Variants in ACAD9 observed in about 807,000 individuals in gnomAD.
ACAD9 encodes the protein acyl-CoA dehydrogenase family member 9, also known as complex I assembly factor ACAD9, mitochondrial.
Under a neutral mutation model 70.2 loss-of-function variants are expected in ACAD9, and 53 were observed. That is an observed-to-expected ratio of 0.75 (90% CI 0.61 to 0.95). The LOEUF is 0.95. Ranked by LOEUF, ACAD9 falls within the 40% of genes least tolerant of loss-of-function variation. The pLI is 0.00. For missense variants in ACAD9, 777 were observed against 802.8 expected (o/e 0.97, Z 0.39); for synonymous variants, 313 against 312.1 (o/e 1.00, Z -0.03).
At chr3:128,882,897 G>C (rs1400753569) in intron 1 of ACAD9, among the ~76,000 whole-genome samples, 1 of 152,108 alleles carries the variant, frequency 6.6e-6, no homozygotes, top group Non-Finnish European at 1.5e-5. Context: ...GTTTTCTGTG[G>C]TTGTACCTGA....
At chr3:128,909,467 T>C (rs928864946) in intron 15 of ACAD9, 46 bp downstream of exon 15, 8 of 1,587,202 alleles carry the variant, frequency 5.0e-6, no homozygotes, top group Non-Finnish European at 6.0e-6. Context: ...TCCTCCAATT[T>C]GGCCAGCATT....
At chr3:128,901,699 C>T (rs539976166) in intron 8 of ACAD9, among the ~76,000 whole-genome samples, 1 of 152,316 alleles carries the variant, frequency 6.6e-6, no homozygotes, top group Admixed American at 6.5e-5. Flanking sequence ...CTACTCTTTT[C>T]TTTTTGGACT....
Position 128,912,638 on chromosome 3 carries a change from G to A in ACAD9, c.*31G>A, listed in dbSNP as rs9830739. On this transcript the variant is annotated 3_prime_UTR_variant, in exon 18 of 18. Coordinates refer to ENST00000308982, the MANE Select transcript of ACAD9 (RefSeq NM_014049.5). Reference sequence around the variant, plus strand: ...GGGACAGTGTCCCCTGCTACCGCCCGCCCCTACCCATGGCCCGTTGCTGGA... The same window carrying A: ...GGGACAGTGTCCCCTGCTACCGCCCACCCCTACCCATGGCCCGTTGCTGGA... 0.026 allele frequency: 40,491 copies of A among 1,572,694 alleles called. 3,126 individuals are homozygous for A. In the African/African-American group the frequency reaches 0.27, roughly 11 times the overall value.
chr3:128,906,625 A>G (rs1935900235), intron 12 of ACAD9, among the ~76,000 whole-genome samples: 1 of 152,208 alleles, frequency 6.6e-6, no homozygotes, highest in Non-Finnish European at 1.5e-5. Context: ...CCCTAGGGGC[A>G]GAAAGAAAGG....
At chr3:128,890,859 T>G (rs184937941) in intron 2 of ACAD9, among the ~76,000 whole-genome samples, 2,334 of 151,746 alleles carry the variant, frequency 0.015, 28 homozygotes, top group Middle Eastern at 0.031. Flanking sequence ...TTTTTTTTTT[T>G]GAGACGAAGT....
At chr3:128,912,371 T>A (rs981316474) in intron 17 of ACAD9, 136 bp from the exon 18 acceptor site, 1 of 723,714 alleles carries the variant, frequency 1.4e-6, no homozygotes, top group African/African-American at 1.7e-5. Flanking sequence ...TTGCTGGGGG[T>A]CTGGAGGAGG....
rs766082543 is a variant in ACAD9 at position 128,895,345 on chromosome 3, C to T, written c.382C>T (p.Leu128=). 6.2e-7 allele frequency: 1 copy of T among 1,613,028 alleles called. No homozygotes were observed. The highest frequency in any genetic ancestry group is 1.1e-5 in the South Asian group (1 of 90,714). The part of the protein sequence containing the change: ...LGFSNTMYSR[L]GEIISMDGSI... ...CTTCTCCAACACCATGTACTCAAGACTAGGGGAGATCATCAGCATGGATGG... is the reference window on the plus strand; with the variant it reads ...CTTCTCCAACACCATGTACTCAAGATTAGGGGAGATCATCAGCATGGATGG... Residue 128 remains leucine, a synonymous_variant, in exon 4 of 18, where the codon CTA becomes TTA. Transcript: ENST00000308982.
chr3:128,912,937 G>T lies in ACAD9; in HGVS notation c.*330G>T, dbSNP rs1398111131. 1 of 522,414 alleles carries T rather than the reference G, an allele frequency of 1.9e-6. No individual in the cohort carries two copies. Among genetic ancestry groups the T allele is most frequent in the Non-Finnish European group, 3.7e-6 (1 of 268,560 alleles). 32.4% of individuals were successfully genotyped at this position (522,414 alleles called of 1,614,324 possible). A position where few individuals can be genotyped will look rare whatever the true frequency, so the allele number is the denominator to read the frequency against. On this transcript the variant is annotated 3_prime_UTR_variant, in exon 18 of 18. Transcript: ENST00000308982. ...TATGCTGCTGCCTCCAGGGTGTGAGGTGGGTGGGGACCTGTGTCAGGTGTG... is the reference window on the plus strand; with the variant it reads ...TATGCTGCTGCCTCCAGGGTGTGAGTTGGGTGGGGACCTGTGTCAGGTGTG...
At chr3:128,908,749 C>G in intron 13 of ACAD9, 1 of 634,298 alleles carries the variant, frequency 1.6e-6, no homozygotes. Flanking sequence ...GGGAAGCTGG[C>G]TGTGACTCCA....
chr3:128,909,137 C>T (rs1380904209), intron 14 of ACAD9, 38 bp downstream of exon 14: 1 of 1,612,940 alleles, frequency 6.2e-7, no homozygotes, highest in Non-Finnish European at 8.5e-7. Flanking sequence ...TATTTCAATG[C>T]CCTCCTGCCA....
At chr3:128,904,255 T>C in intron 10 of ACAD9, 123 bp downstream of exon 10, 2 of 1,587,680 alleles carry the variant, frequency 1.3e-6, no homozygotes, top group South Asian at 2.2e-5. Context: ...TAAGGCTTTA[T>C]TTGACACGGG....
intron 16 of ACAD9, 62 bp from the exon 17 acceptor site, chr3:128,910,679 T>A (rs1377857174): frequency 1.3e-6 from 2 of 1,593,312 alleles, no homozygotes; most frequent in Non-Finnish European, 1.7e-6. Flanking sequence ...GCTGGGTTTT[T>A]GAAGCTCAGA....
At chr3:128,880,043 C>T (rs767981584) in intron 1 of ACAD9, 339 of 1,531,834 alleles carry the variant, frequency 2.2e-4, no homozygotes, top group Middle Eastern at 2.2e-3. Context: ...GACGGGGGAC[C>T]CTTGGAAATG....
intron 12 of ACAD9, among the ~76,000 whole-genome samples, chr3:128,907,175 T>A (rs1297291528): frequency 6.6e-6 from 1 of 152,088 alleles, no homozygotes; most frequent in African/African-American, 2.4e-5. Context: ...ATGAGAGGCA[T>A]CATCAGCCTC....
chr3:128,887,147 A>G (rs993475184), intron 2 of ACAD9, among the ~76,000 whole-genome samples: 1 of 151,092 alleles, frequency 6.6e-6, no homozygotes, highest in African/African-American at 2.4e-5. Context: ...CTGGTCTTGA[A>G]CTCCTGACCT....
chr3:128,891,156 G>GA (rs1385095012), intron 2 of ACAD9, among the ~76,000 whole-genome samples: 1 of 151,832 alleles, frequency 6.6e-6, no homozygotes, highest in African/African-American at 2.4e-5. Context: ...TTTAAAATAG[G>GA]AAAAAAGGAT....
At chr3:128,886,026 A>T (rs1344790603) in intron 2 of ACAD9, among the ~76,000 whole-genome samples, 1 of 150,618 alleles carries the variant, frequency 6.6e-6, no homozygotes, top group Non-Finnish European at 1.5e-5. Flanking sequence ...AAAAAAAAAA[A>T]ATAAAATATA....
Position 128,902,720 on chromosome 3 carries a change from A to G in ACAD9, c.958+92A>G. On this transcript the variant is annotated intron_variant, in intron 9 of 17. Transcript: ENST00000308982. The surrounding 1 kb of genome is among the most constrained non-coding windows in gnomAD (Gnocchi z 4.0). ...CTCTGCCATTCCCCCGGCCCCTTCCAGGCCAGTGCTGAACCAGGCTACCAG... is the reference window on the plus strand; with the variant it reads ...CTCTGCCATTCCCCCGGCCCCTTCCGGGCCAGTGCTGAACCAGGCTACCAG... 7.1e-7 allele frequency: 1 copy of G among 1,413,102 alleles called. No homozygotes were observed. Among genetic ancestry groups the G allele is most frequent in the Non-Finnish European group, 9.8e-7 (1 of 1,017,814 alleles). The allele number at this position is 1,413,102 out of a possible 1,614,324, so 87.5% of individuals were successfully genotyped here.
chr3:128,905,975 G>T, intron 11 of ACAD9, 146 bp from the exon 12 acceptor site: 1 of 1,070,378 alleles, frequency 9.3e-7, no homozygotes. Context: ...GTCACGGAAG[G>T]CAAAGGACTT....
Sources: allele counts gnomAD v4.1 joint callset (sites outside exome capture counted in the v4.1 genomes callset), GRCh38; gene constraint gnomAD v4.1.1; non-coding constraint Gnocchi (gnomAD v3.1); transcripts MANE v1.5; gene names NCBI Gene and HGNC (gene_info 2026-07-23, HGNC 2026-07-21).